The following KCNIP4 variants were observed in gnomAD, a reference collection of about 807,000 sequenced individuals.
The protein encoded by KCNIP4 is potassium voltage-gated channel interacting protein 4, also known as Kv channel-interacting protein 4.
Under a neutral mutation model 34.0 loss-of-function variants are expected in KCNIP4, and 12 were observed. The ratio of observed to expected loss-of-function variants is 0.35; its 90% confidence interval spans 0.23 to 0.57. KCNIP4 has a LOEUF of 0.57. Ranked by LOEUF, KCNIP4 falls within the 20% of genes least tolerant of loss-of-function variation. The pLI, the probability that KCNIP4 is intolerant of heterozygous loss-of-function variation, is 0.83. For synonymous variants in KCNIP4, 124 were observed against 102.2 expected (o/e 1.21, Z -1.29); for missense variants, 238 against 311.7 (o/e 0.76, Z 1.78).
chr4:21,331,265 A>G (rs1296201454), intron 1 of KCNIP4, among the ~76,000 whole-genome samples: 1 of 151,860 alleles, frequency 6.6e-6, no homozygotes, highest in East Asian at 1.9e-4. Context: ...AATTTCCTTT[A>G]ATGCTTTTAT....
intron 1 of KCNIP4, among the ~76,000 whole-genome samples, chr4:21,057,660 G>A (rs534417253): frequency 6.6e-6 from 1 of 152,090 alleles, no homozygotes; most frequent in African/African-American, 2.4e-5. Flanking sequence ...TTTTGAAATG[G>A]CCCCAAAATA....
At chr4:21,544,451 C>T (rs1737971863) in intron 1 of KCNIP4, 1 of 152,190 alleles carries the variant, frequency 6.6e-6, no homozygotes, top group Non-Finnish European at 1.5e-5. Context: ...ATCTCACAGG[C>T]TGAAATCCAA....
At chr4:21,903,378 T>C (rs899796938) in intron 1 of KCNIP4, among the ~76,000 whole-genome samples, 2 of 152,102 alleles carry the variant, frequency 1.3e-5, no homozygotes, top group Non-Finnish European at 2.9e-5. Context: ...GAAAATCTGA[T>C]GATATAATAT....
intron 1 of KCNIP4, among the ~76,000 whole-genome samples, chr4:21,146,840 G>A (rs901439062): frequency 6.6e-6 from 1 of 151,972 alleles, no homozygotes; most frequent in Non-Finnish European, 1.5e-5. Context: ...TCATAGAAAA[G>A]CATTTTTTAT....
intron 1 of KCNIP4, among the ~76,000 whole-genome samples, chr4:21,367,484 C>A (rs1391553274): frequency 1.5e-5 from 2 of 130,774 alleles, no homozygotes; most frequent in Non-Finnish European, 2.9e-5. Flanking sequence ...ACTGGACATA[C>A]TTATTGCCTT....
intron 1 of KCNIP4, among the ~76,000 whole-genome samples, chr4:21,485,605 A>G (rs73801929): frequency 0.015 from 2,260 of 152,280 alleles, 61 homozygotes; most frequent in African/African-American, 0.052. Flanking sequence ...GCTGTCATTC[A>G]TAATTCAAGT....
intron 1 of KCNIP4, among the ~76,000 whole-genome samples, chr4:20,995,818 A>T (rs1287637736): frequency 6.6e-6 from 1 of 152,208 alleles, no homozygotes; most frequent in African/African-American, 2.4e-5. Flanking sequence ...ACCATGCAAA[A>T]TATGCAAGGG....
intron 3 of KCNIP4, among the ~76,000 whole-genome samples, chr4:20,827,551 T>C (rs1215196316): frequency 6.6e-6 from 1 of 152,166 alleles, no homozygotes; most frequent in Non-Finnish European, 1.5e-5. Flanking sequence ...GTACTGGATG[T>C]TGGGACTTCA....
intron 3 of KCNIP4, among the ~76,000 whole-genome samples, chr4:20,790,776 C>A (rs1355055207): frequency 6.6e-6 from 1 of 152,040 alleles, no homozygotes; most frequent in African/African-American, 2.4e-5. Flanking sequence ...AAATGGTCAC[C>A]TGCAGTAAGT....
At chr4:21,665,385 T>C (rs1385380427) in intron 1 of KCNIP4, among the ~76,000 whole-genome samples, 3 of 151,982 alleles carry the variant, frequency 2.0e-5, no homozygotes, top group African/African-American at 7.2e-5. Context: ...ACTAAATGCA[T>C]AGGAATGGAA....
chr4:20,980,297 T>C (rs1352636832), intron 1 of KCNIP4, among the ~76,000 whole-genome samples: 1 of 152,222 alleles, frequency 6.6e-6, no homozygotes, highest in African/African-American at 2.4e-5. Flanking sequence ...GAATTCAATA[T>C]GACAAGATTA....
intron 1 of KCNIP4, among the ~76,000 whole-genome samples, chr4:21,333,018 C>G (rs558292713): frequency 2.2e-4 from 34 of 152,174 alleles, no homozygotes; most frequent in African/African-American, 7.0e-4. Flanking sequence ...GTTCTTTCTT[C>G]CTGAAATGCT....
intron 1 of KCNIP4, among the ~76,000 whole-genome samples, chr4:21,628,348 G>C (rs1182214694): frequency 6.6e-6 from 1 of 152,076 alleles, no homozygotes; most frequent in East Asian, 1.9e-4. Context: ...TCTTCATTTT[G>C]CCTGACTATA....
intron 1 of KCNIP4, among the ~76,000 whole-genome samples, chr4:21,112,681 T>C (rs11735844): frequency 0.14 from 21,631 of 152,122 alleles, 1,722 homozygotes; most frequent in East Asian, 0.23. Context: ...AGATGAGTTG[T>C]GGCACTAAAC....
At chr4:21,776,198 G>A (rs1055713723) in intron 1 of KCNIP4, among the ~76,000 whole-genome samples, 36 of 152,200 alleles carry the variant, frequency 2.4e-4, no homozygotes, top group African/African-American at 7.5e-4. Context: ...CCCCTTCCCC[G>A]TGTGGCTCTG....
intron 1 of KCNIP4, among the ~76,000 whole-genome samples, chr4:21,691,342 T>C (rs1328840767): frequency 6.6e-6 from 1 of 152,152 alleles, no homozygotes; most frequent in Non-Finnish European, 1.5e-5. Flanking sequence ...GCCACCACTC[T>C]GTCTGGAAGC....
chr4:20,875,898 A>C (rs1159658749), intron 2 of KCNIP4, among the ~76,000 whole-genome samples: 1 of 152,336 alleles, frequency 6.6e-6, no homozygotes, highest in East Asian at 1.9e-4. Flanking sequence ...AACACACTGA[A>C]ATGTTATGGT....
At chr4:21,349,681 G>C (rs1418906141) in intron 1 of KCNIP4, among the ~76,000 whole-genome samples, 1 of 152,110 alleles carries the variant, frequency 6.6e-6, no homozygotes, top group Non-Finnish European at 1.5e-5. Context: ...GCAGCCACCA[G>C]AGCCCTGGGT....
chr4:21,820,334 C>CAT (rs1722280887), intron 1 of KCNIP4, among the ~76,000 whole-genome samples: 1 of 136,856 alleles, frequency 7.3e-6, no homozygotes, highest in African/African-American at 3.0e-5. Context: ...TACATATATA[C>CAT]ACATACACAC....
Sources: allele counts gnomAD v4.1 joint callset (sites outside exome capture counted in the v4.1 genomes callset), GRCh38; gene constraint gnomAD v4.1.1; transcripts MANE v1.5; gene names NCBI Gene and HGNC (gene_info 2026-07-23, HGNC 2026-07-21).